Variants in DGKH observed in about 807,000 individuals in gnomAD.
DGKH encodes DAG kinase eta.
In DGKH, 90 loss-of-function variants were observed where a neutral mutation model predicts 159.3. The ratio of observed to expected loss-of-function variants is 0.57; its 90% CI spans 0.48 to 0.67. The LOEUF (loss-of-function observed/expected upper bound fraction) is 0.67, where lower values mean the gene tolerates loss of function less well. Among genes scored for constraint, DGKH ranks in the 30% least tolerant of loss-of-function variants. DGKH has a pLI of 0.00. For synonymous variants in DGKH, 536 were observed against 553.8 expected (o/e 0.97, Z 0.45); for missense variants, 1,181 against 1,506.1 (o/e 0.78, Z 3.57).
intron 1 of DGKH, chr13:42,071,067 C>A: frequency 8.6e-7 from 1 of 1,157,680 alleles, no homozygotes; most frequent in South Asian, 1.6e-5. Flanking sequence ...CATGAATGTT[C>A]ATGAGACTTT....
At chr13:42,196,722 G>A (rs904676797) in intron 17 of DGKH, among the ~76,000 whole-genome samples, 2 of 152,114 alleles carry the variant, frequency 1.3e-5, no homozygotes, top group African/African-American at 4.8e-5. Context: ...GCACAACTTT[G>A]TGTATATATT....
chr13:42,209,665 CTG>C (rs1253483319), intron 23 of DGKH, among the ~76,000 whole-genome samples, 200 bp downstream of exon 23: 1 of 152,116 alleles, frequency 6.6e-6, no homozygotes, highest in East Asian at 1.9e-4. Context: ...TACAGAAAAA[CTG>C]GGCAGAAAGT....
At chr13:42,103,004 A>G (rs185526553) in intron 1 of DGKH, among the ~76,000 whole-genome samples, 21 of 152,232 alleles carry the variant, frequency 1.4e-4, no homozygotes, top group Admixed American at 3.3e-4. Flanking sequence ...GAAGTAAGTG[A>G]ATAATAACCT....
At chr13:42,052,947 T>G (rs890139186) in intron 1 of DGKH, among the ~76,000 whole-genome samples, 3 of 152,228 alleles carry the variant, frequency 2.0e-5, no homozygotes, top group Non-Finnish European at 2.9e-5. Flanking sequence ...TTTTTGACAT[T>G]TATATGTCTT....
At chr13:42,047,641 C>T (rs1232013195), upstream of DGKH, among the ~76,000 whole-genome samples, 7 of 152,224 alleles carry the variant, frequency 4.6e-5, no homozygotes, top group Admixed American at 3.3e-4. Flanking sequence ...TGCCAGTCCG[C>T]GGTTCCCAAG....
rs1268625879 is a variant in DGKH at position 42,219,191 on chromosome 13, G to A, written c.3214-39G>A. 5.0e-6 allele frequency: 8 copies of A among 1,611,506 alleles called. No individual in the cohort carries two copies. In the African/African-American group the frequency reaches 6.7e-5, roughly 13 times the overall value. ...TATTCTACGTGAGGCTGGCCACTGAGTCTTGTTTTGTTTTGTCTTTTAATC... is the reference window on the plus strand; with the variant it reads ...TATTCTACGTGAGGCTGGCCACTGAATCTTGTTTTGTTTTGTCTTTTAATC... On this transcript the variant is annotated intron_variant, in intron 26 of 29. Transcript: ENST00000337343.
intron 1 of DGKH, among the ~76,000 whole-genome samples, chr13:42,040,449 G>A (rs1282795340): frequency 6.6e-6 from 1 of 151,894 alleles, no homozygotes; most frequent in Non-Finnish European, 1.5e-5. Flanking sequence ...CGCCTTATAA[G>A]GCCTGACAGG....
rs1407345478 is a variant in DGKH, at chr13:42,151,502, T to TATACACATGTATATATATACAC, written c.385-3789_385-3788insATACACATGTATATATATACAC. ...TGGTGTGTGTGTGTGTGTGTGTGTG[T>TATACACATGTATATATATACAC]GTGTATACACATGTATATATATACA... On this transcript the variant is annotated intron_variant, in intron 3 of 29. Transcript: ENST00000337343. Among the ~76,000 whole-genome samples the TATACACATGTATATATATACAC allele has an allele frequency of 1.3e-3, 183 of 137,440 alleles. 5 individuals carry two copies. In the East Asian group the frequency reaches 0.046, roughly 35 times the overall value. 90.2% of individuals were successfully genotyped at this position (137,440 alleles called of 152,430 possible). A position where few individuals can be genotyped will look rare whatever the true frequency, so the allele number is the denominator to read the frequency against.
exon 1 of DGKH, chr13:42,040,070 G>C (rs1344537526): frequency 6.6e-6 from 1 of 152,330 alleles, no homozygotes; most frequent in Non-Finnish European, 1.5e-5. Context: ...GGTGCCCGGC[G>C]CAGCTTGCCC....
At position 42,225,225 on chromosome 13, in the gene DGKH, G is replaced by C. The variant is rs550171494; in HGVS notation, c.3573+3831G>C. 3.0e-5 allele frequency: 46 copies of C among 1,523,986 alleles called. No individual in the cohort carries two copies. In the African/African-American group the frequency reaches 5.3e-4, roughly 17 times the overall value. 94.4% of individuals were successfully genotyped at this position (1,523,986 alleles called of 1,614,324 possible). ...GGTGTGAGCCACCATGCCCAGCCAGGAAAGTATTTCCAATGTGCTTTAGCA... is the reference window on the plus strand; with the variant it reads ...GGTGTGAGCCACCATGCCCAGCCAGCAAAGTATTTCCAATGTGCTTTAGCA... On this transcript the variant is annotated intron_variant, in intron 29 of 29. Transcript: ENST00000337343.
chr13:42,120,441 A>G (rs1955046468), intron 1 of DGKH, among the ~76,000 whole-genome samples: 1 of 152,226 alleles, frequency 6.6e-6, no homozygotes, highest in South Asian at 2.1e-4. Flanking sequence ...AAATGCCTGT[A>G]TATTTTAGGA....
intron 29 of DGKH, among the ~76,000 whole-genome samples, chr13:42,228,665 GA>G (rs1310120918): frequency 3.6e-5 from 4 of 110,594 alleles, no homozygotes; most frequent in Non-Finnish European, 5.8e-5. Flanking sequence ...AGAAGAAAGG[GA>G]GAGAAAGAAA....
At chr13:42,190,374 C>T (rs755595946) in intron 15 of DGKH, 29 bp from the exon 16 acceptor site, 10 of 1,593,108 alleles carry the variant, frequency 6.3e-6, no homozygotes, top group Non-Finnish European at 8.5e-6. Flanking sequence ...TTCACTTATC[C>T]AAACTATTTG....
intron 29 of DGKH, among the ~76,000 whole-genome samples, chr13:42,222,308 TAACAA>T (rs1957997313): frequency 6.6e-6 from 1 of 152,198 alleles, no homozygotes; most frequent in Non-Finnish European, 1.5e-5. Context: ...AGAGAATTCC[TAACAA>T]ATTAATGAAC....
At chr13:42,174,221 T>G in intron 12 of DGKH, 77 bp downstream of exon 12, 1 of 1,205,774 alleles carries the variant, frequency 8.3e-7, no homozygotes, top group South Asian at 1.3e-5. Flanking sequence ...AGAGAGAAAA[T>G]GTACTCCTAA....
At chr13:42,176,259 G>A (rs1193585175) in intron 12 of DGKH, among the ~76,000 whole-genome samples, 1 of 152,090 alleles carries the variant, frequency 6.6e-6, no homozygotes, top group Admixed American at 6.5e-5. Flanking sequence ...TTTATTAATA[G>A]CATTAATGAT....
chr13:42,198,638 G>GTTTT, intron 18 of DGKH, 43 bp downstream of exon 18: 5 of 1,168,352 alleles, frequency 4.3e-6, no homozygotes, highest in East Asian at 2.6e-5. Flanking sequence ...GGTTTTTCTT[G>GTTTT]TTTTTTTTTT....
In DGKH at chr13:42,048,855, G is replaced by A; in HGVS notation, c.82G>A (p.Ala28Thr). Reference protein sequence around the residue: ...AAGAGAAVTSAAASAGPGEDS... With the variant: ...AAGAGAAVTSTAASAGPGEDS... ...CGGAGCCGGCGCCGCGGTCACCTCC[G>A]CCGCTGCCTCGGCGGGGCCGGGAGA... Residue 28 changes from alanine to threonine, a missense_variant, in exon 1 of 30, where the codon GCC becomes ACC. This residue lies in a region of DGKH where 136 missense variants were observed against 132.2 expected (regional missense o/e 1.03). Coordinates refer to ENST00000337343, the MANE Select transcript of DGKH (RefSeq NM_178009.5). The surrounding 1 kb of genome is among the most constrained non-coding windows in gnomAD (Gnocchi z 6.7). 7.3e-7 allele frequency: 1 copy of A among 1,370,276 alleles called. No homozygotes were observed. Among genetic ancestry groups the A allele is most frequent in the Non-Finnish European group, 9.4e-7 (1 of 1,058,384 alleles). The allele number at this position is 1,370,276 out of a possible 1,614,324, so 84.9% of individuals were successfully genotyped here.
At chr13:42,188,977 T>C (rs909902388) in intron 14 of DGKH, 59 bp from the exon 15 acceptor site, 103 of 1,558,368 alleles carry the variant, frequency 6.6e-5, no homozygotes, top group Non-Finnish European at 8.5e-5. Flanking sequence ...TTCTTGTACT[T>C]TGTCTGCTGA....
Sources: gnomAD v4.1 joint callset for allele counts (sites outside exome capture counted in the v4.1 genomes callset) on GRCh38, gnomAD v4.1.1 for gene constraint, gnomAD v4.1.1 regional missense constraint, Gnocchi (gnomAD v3.1) non-coding constraint, MANE v1.5 for transcripts, NCBI Gene and HGNC (gene_info 2026-07-23, HGNC 2026-07-21) for gene names.